The following FBP1 variants were observed in gnomAD, a reference collection of about 807,000 sequenced individuals.
The protein encoded by FBP1 is fructose-bisphosphatase 1, also known as fructose-1,6-bisphosphatase 1.
Under a neutral mutation model 29.9 loss-of-function variants are expected in FBP1, and 22 were observed. That is an observed-to-expected ratio of 0.74 (90% CI 0.53 to 1.05). FBP1 has a LOEUF of 1.05. Among genes scored for constraint, FBP1 ranks in the 50% least tolerant of loss-of-function variants. The probability of loss-of-function intolerance (pLI) is 0.00; values close to 1 mark genes in which losing one functional copy is unlikely to be tolerated. For missense variants in FBP1, 345 were observed against 448.2 expected (o/e 0.77, Z 2.08); for synonymous variants, 175 against 178.6 (o/e 0.98, Z 0.16).
At chr9:94,636,560 T>C (rs746969562) in intron 1 of FBP1, among the ~76,000 whole-genome samples, 6 of 151,982 alleles carry the variant, frequency 3.9e-5, no homozygotes, top group Non-Finnish European at 5.9e-5. Context: ...AAAATCTCAC[T>C]ATCCAAGGTC....
intron 1 of FBP1, among the ~76,000 whole-genome samples, chr9:94,633,371 C>G (rs750956563): frequency 1.2e-4 from 18 of 152,344 alleles, no homozygotes; most frequent in Non-Finnish European, 1.3e-4. Flanking sequence ...TCTCCAGTCA[C>G]GCAACTGCCC....
At position 94,611,105 on chromosome 9, in the gene FBP1, C is replaced by T. The variant is rs28369726; in HGVS notation, c.427-1044G>A. ...GTCTCTATTTCCTGACCTCGTGATCCACCTGCCTCGGCCTCCCAAAGTGCT... is the reference window on the plus strand; with the variant it reads ...GTCTCTATTTCCTGACCTCGTGATCTACCTGCCTCGGCCTCCCAAAGTGCT... On this transcript the variant is annotated intron_variant, in intron 3 of 6. Coordinates refer to ENST00000375326, the MANE Select transcript of FBP1 (RefSeq NM_000507.4). Among the ~76,000 whole-genome samples the T allele has an allele frequency of 1.7e-3, 255 of 152,206 alleles. 1 individual carries two copies. The highest frequency in any genetic ancestry group is 6.0e-3 in the African/African-American group (250 of 41,550).
chr9:94,614,968 G>A (rs1357653624), intron 3 of FBP1, among the ~76,000 whole-genome samples: 3 of 152,000 alleles, frequency 2.0e-5, no homozygotes, highest in African/African-American at 7.2e-5. Flanking sequence ...GAGTGCAGTG[G>A]TGCGATCTCG....
At chr9:94,620,927 A>G (rs1042114666) in intron 1 of FBP1, among the ~76,000 whole-genome samples, 4 of 152,208 alleles carry the variant, frequency 2.6e-5, no homozygotes, top group African/African-American at 9.6e-5. Flanking sequence ...ATTTTTTTAA[A>G]AAAGGGCCGG....
Position 94,603,146 on chromosome 9 carries a change from G to T in FBP1, c.*235C>A. On this transcript the variant is annotated 3_prime_UTR_variant, in exon 7 of 7. Coordinates refer to ENST00000375326, the MANE Select transcript of FBP1 (RefSeq NM_000507.4). ...AGCAAGGGAGACTTTTTTTTAAGGA[G>T]GAATAAGTTTATTTCTCCTCCATCC... is the stretch of plus-strand genomic sequence containing the variant. 1 of 560,398 alleles carries T rather than the reference G, an allele frequency of 1.8e-6. No individual in the cohort carries two copies. The highest frequency in any genetic ancestry group is 3.2e-6 in the Non-Finnish European group (1 of 311,912). 34.7% of individuals were successfully genotyped at this position (560,398 alleles called of 1,614,324 possible).
At chr9:94,627,070 C>A (rs984766872) in intron 1 of FBP1, among the ~76,000 whole-genome samples, 1 of 152,072 alleles carries the variant, frequency 6.6e-6, no homozygotes, top group Non-Finnish European at 1.5e-5. Context: ...TGCCTGTAAT[C>A]CCAGCTACTC....
At chr9:94,622,016 C>T (rs1327116769) in intron 1 of FBP1, among the ~76,000 whole-genome samples, 1 of 152,070 alleles carries the variant, frequency 6.6e-6, no homozygotes, top group African/African-American at 2.4e-5. Context: ...AGGGTGGAGG[C>T]GAGACCCTGC....
In FBP1 at chr9:94,620,261, A is replaced by T. The variant is rs1587860451; in HGVS notation, c.333+68T>A. ...AAACCCAGCTCAGCTGAACAAGTGGAGTCAATTATGAAGCTGGGAAGAAGA... is the reference window on the plus strand; with the variant it reads ...AAACCCAGCTCAGCTGAACAAGTGGTGTCAATTATGAAGCTGGGAAGAAGA... On this transcript the variant is annotated intron_variant, in intron 2 of 6. Coordinates refer to ENST00000375326, the MANE Select transcript of FBP1 (RefSeq NM_000507.4). 3.9e-6 allele frequency: 6 copies of T among 1,530,726 alleles called. No individual in the cohort carries two copies. The East Asian group carries it at 1.3e-4, about 34-fold the overall frequency. The allele number at this position is 1,530,726 out of a possible 1,614,324, so 94.8% of individuals were successfully genotyped here.
At chr9:94,608,884 G>A (rs1390333411) in intron 4 of FBP1, among the ~76,000 whole-genome samples, 2 of 152,126 alleles carry the variant, frequency 1.3e-5, no homozygotes, top group African/African-American at 2.4e-5. Flanking sequence ...GTTCACTAAT[G>A]TCATAGGAGG....
At chr9:94,621,773 G>A (rs927570045) in intron 1 of FBP1, among the ~76,000 whole-genome samples, 5 of 152,106 alleles carry the variant, frequency 3.3e-5, no homozygotes, top group African/African-American at 9.7e-5. Context: ...CGGGTTAAAC[G>A]AATCAATAGA....
chr9:94,606,785 CTG>C (rs1402589790), intron 5 of FBP1, 28 bp downstream of exon 5: 1 of 1,607,780 alleles, frequency 6.2e-7, no homozygotes, highest in Non-Finnish European at 8.5e-7. Flanking sequence ...TGCCCAGAAC[CTG>C]CACCACCCTC....
intron 6 of FBP1, chr9:94,603,814 T>C: frequency 1.8e-6 from 1 of 550,590 alleles, no homozygotes; most frequent in East Asian, 3.3e-5. Flanking sequence ...GATTACCTGA[T>C]GCAAATGTGA....
At chr9:94,623,213 G>C (rs1008072945) in intron 1 of FBP1, among the ~76,000 whole-genome samples, 1 of 152,088 alleles carries the variant, frequency 6.6e-6, no homozygotes, top group Non-Finnish European at 1.5e-5. Flanking sequence ...TCGAACTCCT[G>C]ACCTCAAGTG....
At chr9:94,608,977 GATCA>G (rs1827741030) in intron 4 of FBP1, among the ~76,000 whole-genome samples, 1 of 152,170 alleles carries the variant, frequency 6.6e-6, no homozygotes, top group Non-Finnish European at 1.5e-5. Context: ...GAGGCGGGCA[GATCA>G]CCTGAGGTTA....
chr9:94,610,612 T>G (rs1827769999), intron 3 of FBP1, among the ~76,000 whole-genome samples: 1 of 152,212 alleles, frequency 6.6e-6, no homozygotes, highest in African/African-American at 2.4e-5. Context: ...GTAGAGCAGA[T>G]GCTGTCCAGT....
intron 3 of FBP1, among the ~76,000 whole-genome samples, chr9:94,611,952 C>T (rs1827792389): frequency 6.6e-6 from 1 of 152,164 alleles, no homozygotes; most frequent in African/African-American, 2.4e-5. Context: ...ACCACAAACC[C>T]ATTTCTTTCC....
At chr9:94,634,725 G>T (rs1439040059) in intron 1 of FBP1, among the ~76,000 whole-genome samples, 2 of 152,196 alleles carry the variant, frequency 1.3e-5, no homozygotes, top group Non-Finnish European at 2.9e-5. Context: ...CCAAAGCAAT[G>T]ACTCCTTGGT....
Position 94,603,460 on chromosome 9 carries a change from T to C in FBP1, c.938A>G (p.Gln313Arg), listed in dbSNP as rs759312900. Residue 313 changes from glutamine (Q) to arginine (R), a missense_variant, in exon 7 of 7, where the codon CAG (glutamine) becomes CGG (arginine). Physicochemically the swap from Gln to Arg is conservative, Grantham distance 43 (BLOSUM62 1). Coordinates refer to ENST00000375326, the MANE Select transcript of FBP1 (RefSeq NM_000507.4). ...VLDVIPTDIH[Q>R]RAPVILGSPD... ...GGATCCCAAGATCACCGGCGCCCTCTGGTGAATGTCTGTGGGAATGACGTC... is the reference window on the plus strand; with the variant it reads ...GGATCCCAAGATCACCGGCGCCCTCCGGTGAATGTCTGTGGGAATGACGTC... 14 of 1,613,942 alleles carry C rather than the reference T, an allele frequency of 8.7e-6. No homozygotes were observed. The highest frequency in any genetic ancestry group is 1.1e-5 in the Non-Finnish European group (13 of 1,179,938).
intron 1 of FBP1, among the ~76,000 whole-genome samples, chr9:94,638,844 C>G (rs1427603059): frequency 2.0e-5 from 3 of 152,078 alleles, no homozygotes; most frequent in Admixed American, 6.5e-5. Flanking sequence ...GAGAGGGGTA[C>G]GAGGCAGGCT....
Sources: allele counts gnomAD v4.1 joint callset (sites outside exome capture counted in the v4.1 genomes callset), GRCh38; gene constraint gnomAD v4.1.1; transcripts MANE v1.5; gene names NCBI Gene and HGNC (gene_info 2026-07-23, HGNC 2026-07-21).